Variants in ACSS3 observed in about 807,000 individuals in gnomAD.
The protein encoded by ACSS3 is acyl-CoA synthetase short chain family member 3.
A neutral mutation model predicts 84.2 loss-of-function variants in ACSS3; 64 were observed. That is an observed-to-expected ratio of 0.76 (90% CI 0.62 to 0.94). ACSS3 has a LOEUF of 0.94. Among genes scored for constraint, ACSS3 ranks in the 40% least tolerant of loss-of-function variants. The probability of loss-of-function intolerance (pLI) is 0.00; values close to 1 mark genes in which losing one functional copy is unlikely to be tolerated. For synonymous variants in ACSS3, 317 were observed against 310.1 expected, an observed-to-expected ratio of 1.02 and a Z score of -0.23; for missense variants, 815 against 867.6, an observed-to-expected ratio of 0.94 and a Z score of 0.76.
intron 11 of ACSS3, among the ~76,000 whole-genome samples, chr12:81,228,599 A>C (rs2033346919): frequency 6.6e-6 from 1 of 151,816 alleles, no homozygotes; most frequent in South Asian, 2.1e-4. Context: ...TTAGCAGGAC[A>C]TCTTCTTTTA....
At chr12:81,251,767 T>C (rs2034163090) in intron 13 of ACSS3, among the ~76,000 whole-genome samples, 1 of 151,950 alleles carries the variant, frequency 6.6e-6, no homozygotes, top group South Asian at 2.1e-4. Context: ...CACCTGAGCC[T>C]GGGAGATTGA....
intron 7 of ACSS3, among the ~76,000 whole-genome samples, chr12:81,167,984 G>T (rs979141556): frequency 6.6e-6 from 1 of 152,092 alleles, no homozygotes; most frequent in African/African-American, 2.4e-5. Flanking sequence ...ATAGCAAACT[G>T]ATAGAAAGTA....
intron 13 of ACSS3, among the ~76,000 whole-genome samples, chr12:81,239,384 C>T (rs962189566): frequency 1.3e-5 from 2 of 151,654 alleles, no homozygotes; most frequent in Non-Finnish European, 2.9e-5. Flanking sequence ...TTTAGTTCAA[C>T]AAAAATAAAG....
chr12:81,216,993 A>C lies in ACSS3; in HGVS notation c.1447A>C (p.Asn483His), dbSNP rs1490159451. ...AGCAGGAAAAAGCGTCCCAGGATAC[A>C]ATGGTAAGGAATGACCCTGATAATA... is the stretch of plus-strand genomic sequence containing the variant. ...GQAGKSVPGY[N>H]VMILDDNMQK... The change falls in exon 10 of 16, where the codon AAT becomes CAT. Residue 483 changes from asparagine (N) to histidine (H), a missense_variant. Asn to His is a moderately conservative substitution (Grantham distance 68). Coordinates refer to ENST00000548058, the MANE Select transcript of ACSS3 (RefSeq NM_024560.4). 8.1e-6 allele frequency: 13 copies of C among 1,604,948 alleles called. No homozygotes were observed. Among genetic ancestry groups the C allele is most frequent in the Non-Finnish European group, 1.0e-5 (12 of 1,172,620 alleles).
chr12:81,104,842 T>C (rs987759111), intron 1 of ACSS3: 1 of 152,150 alleles, frequency 6.6e-6, no homozygotes, highest in South Asian at 2.1e-4. Flanking sequence ...AAACAGAAGA[T>C]TTAAATCAGA....
At chr12:81,236,656 A>G (rs1018209037) in intron 13 of ACSS3, among the ~76,000 whole-genome samples, 50 of 151,330 alleles carry the variant, frequency 3.3e-4, no homozygotes, top group African/African-American at 1.2e-3. Context: ...ATATCTGCCT[A>G]CCAGTTTATT....
Position 81,199,841 on chromosome 12 carries a change from C to G in ACSS3, c.1354+397C>G, listed in dbSNP as rs190405548. On this transcript the variant is annotated intron_variant, in intron 9 of 15. Transcript: ENST00000548058. ...CCTGATTTAAAGTTTCCTAATCACT[C>G]ATCTCTATTCTCTCTGCTTTTTGAT... The G allele has an allele frequency of 1.2e-4, 50 of 423,704 alleles. 1 individual carries two copies. The Admixed American group carries it at 1.7e-3, about 14-fold the overall frequency. The allele number at this position is 423,704 out of a possible 1,614,324, so 26.2% of individuals were successfully genotyped here.
chr12:81,207,659 A>C (rs916424422), intron 9 of ACSS3, among the ~76,000 whole-genome samples: 1 of 152,172 alleles, frequency 6.6e-6, no homozygotes, highest in Non-Finnish European at 1.5e-5. Context: ...ATTCAAAAAA[A>C]CTTGGACTGT....
At chr12:81,140,110 A>C (rs1886021741) in intron 4 of ACSS3, among the ~76,000 whole-genome samples, 1 of 151,992 alleles carries the variant, frequency 6.6e-6, no homozygotes, top group African/African-American at 2.4e-5. Flanking sequence ...AGCTATACTG[A>C]CTCTTGGAGT....
intron 8 of ACSS3, among the ~76,000 whole-genome samples, chr12:81,188,458 T>C (rs2031393719): frequency 6.6e-6 from 1 of 152,084 alleles, no homozygotes; most frequent in African/African-American, 2.4e-5. Flanking sequence ...CACATCCAGA[T>C]CAAGAAATAG....
Position 81,126,958 on chromosome 12 carries a change from C to T in ACSS3, c.457-7858C>T, listed in dbSNP as rs567951270. Among the ~76,000 whole-genome samples the T allele has an allele frequency of 5.3e-5, 8 of 151,772 alleles. No homozygotes were observed. In the East Asian group the frequency reaches 1.4e-3, roughly 26 times the overall value. On this transcript the variant is annotated intron_variant, in intron 2 of 15. Coordinates refer to ENST00000548058, the MANE Select transcript of ACSS3 (RefSeq NM_024560.4). Reference sequence around the variant, plus strand: ...GATAACTATTTTGAATGTAAGATAGCGTTTTGTAATTGTTCTTGAAAAATT... The same window carrying T: ...GATAACTATTTTGAATGTAAGATAGTGTTTTGTAATTGTTCTTGAAAAATT...
At chr12:81,134,687 A>G in intron 2 of ACSS3, 129 bp from the exon 3 acceptor site, 1 of 660,048 alleles carries the variant, frequency 1.5e-6, no homozygotes, top group Non-Finnish European at 2.3e-6. Context: ...TCATCATCAA[A>G]TATGTGTTAC....
At chr12:81,108,767 G>A (rs1338541054) in intron 1 of ACSS3, among the ~76,000 whole-genome samples, 1 of 152,038 alleles carries the variant, frequency 6.6e-6, no homozygotes, top group Admixed American at 6.6e-5. Context: ...GTCTGACATT[G>A]GAAGAAATGG....
At chr12:81,141,488 G>T (rs755220616) in intron 4 of ACSS3, among the ~76,000 whole-genome samples, 2 of 152,128 alleles carry the variant, frequency 1.3e-5, no homozygotes, top group Admixed American at 6.5e-5. Flanking sequence ...TCCCAATACC[G>T]CCTTTTAAGA....
At chr12:81,215,085 C>T (rs2032855273) in intron 9 of ACSS3, among the ~76,000 whole-genome samples, 1 of 152,152 alleles carries the variant, frequency 6.6e-6, no homozygotes, top group South Asian at 2.1e-4. Flanking sequence ...AGGTGAGCAC[C>T]TGGACATTTC....
At chr12:81,245,200 G>C (rs1009286239) in intron 13 of ACSS3, among the ~76,000 whole-genome samples, 2 of 152,142 alleles carry the variant, frequency 1.3e-5, no homozygotes, top group Admixed American at 1.3e-4. Flanking sequence ...GGTGGCTCAC[G>C]CCTGTAATCC....
chr12:81,219,162 T>C (rs797014078), intron 10 of ACSS3, among the ~76,000 whole-genome samples: 30 of 152,220 alleles, frequency 2.0e-4, no homozygotes, highest in African/African-American at 7.2e-4. Context: ...CATATAGTGA[T>C]TTGGCCACTG....
At chr12:81,159,621 T>C (rs531110864) in intron 7 of ACSS3, among the ~76,000 whole-genome samples, 84 of 152,346 alleles carry the variant, frequency 5.5e-4, no homozygotes, top group Non-Finnish European at 9.7e-4. Context: ...ACTTCATTAA[T>C]AGAGCAGTGA....
At chr12:81,160,073 T>C (rs950926881) in intron 7 of ACSS3, among the ~76,000 whole-genome samples, 1 of 152,254 alleles carries the variant, frequency 6.6e-6, no homozygotes, top group Non-Finnish European at 1.5e-5. Context: ...TACTGTTCCT[T>C]GGCTAGAGTA....
Sources: allele counts gnomAD v4.1 joint callset (sites outside exome capture counted in the v4.1 genomes callset), GRCh38; gene constraint gnomAD v4.1.1; transcripts MANE v1.5; gene names NCBI Gene and HGNC (gene_info 2026-07-23, HGNC 2026-07-21).